The following CORO1C variants were observed in gnomAD, a reference collection of about 807,000 sequenced individuals.
The protein encoded by CORO1C is coronin 1C, also known as coronin-1C.
Under a neutral mutation model 51.2 loss-of-function variants are expected in CORO1C, and 14 were observed. The observed-to-expected ratio is 0.27, with a 90% CI of 0.18 to 0.43. The LOEUF is 0.43. Ranked by LOEUF, CORO1C falls within the 20% of genes least tolerant of loss-of-function variation. CORO1C has a pLI of 1.00. For missense variants in CORO1C, 417 were observed against 607.8 expected, an observed-to-expected ratio of 0.69 and a Z score of 3.30; for synonymous variants, 181 against 210.5, an observed-to-expected ratio of 0.86 and a Z score of 1.21.
In CORO1C at chr12:108,662,811, AG is replaced by A. The variant is rs561017332; in HGVS notation, c.319-654del. ...CATGTATTATAGAAAATATTACAAA[AG>A]AAAAAAATGAATTAGACCTCATCAA... On this transcript the variant is annotated intron_variant, in intron 3 of 10. Transcript: ENST00000261401. Among the ~76,000 whole-genome samples, 316 of 152,292 alleles carry A rather than the reference AG, an allele frequency of 2.1e-3. 1 individual carries two copies. The highest frequency in any genetic ancestry group is 7.0e-3 in the African/African-American group (293 of 41,586).
At chr12:108,651,189 C>T (rs574296506) in intron 8 of CORO1C, among the ~76,000 whole-genome samples, 1 of 152,158 alleles carries the variant, frequency 6.6e-6, no homozygotes, top group Non-Finnish European at 1.5e-5. Flanking sequence ...ATTTGGAAGA[C>T]GTAAGTATCA....
At chr12:108,715,855 C>T (rs969177647) in intron 1 of CORO1C, among the ~76,000 whole-genome samples, 6 of 151,796 alleles carry the variant, frequency 4.0e-5, no homozygotes, top group African/African-American at 1.2e-4. Context: ...TCCTTGAGGC[C>T]GGGCGGGGTG....
intron 2 of CORO1C, among the ~76,000 whole-genome samples, chr12:108,694,018 G>A (rs911324009): frequency 6.6e-6 from 1 of 152,162 alleles, no homozygotes; most frequent in African/African-American, 2.4e-5. Flanking sequence ...AACCTAGCCG[G>A]GTGTGGTGGC....
Position 108,717,219 on chromosome 12 carries a change from C to T in CORO1C, c.-6+14210G>A, listed in dbSNP as rs565672813. On this transcript the variant is annotated intron_variant, in intron 1 of 10. Coordinates refer to ENST00000261401, the MANE Select transcript of CORO1C (RefSeq NM_014325.4). ...GGAGGAACAACAAAATATCAAAAGT[C>T]TGTATCAAAAGCAAGCACTTGTCAG... Among the ~76,000 whole-genome samples, 3 of 152,318 alleles carry T rather than the reference C, an allele frequency of 2.0e-5. No individual in the cohort carries two copies. The South Asian group carries it at 6.2e-4, about 32-fold the overall frequency.
intron 1 of CORO1C, chr12:108,702,695 G>A: frequency 8.0e-7 from 1 of 1,252,202 alleles, no homozygotes; most frequent in Non-Finnish European, 1.1e-6. Context: ...GAGACACATG[G>A]TGGGCTGTTG....
chr12:108,716,917 G>A (rs745587708), intron 1 of CORO1C, among the ~76,000 whole-genome samples: 12 of 152,148 alleles, frequency 7.9e-5, no homozygotes, highest in Admixed American at 4.6e-4. Context: ...TTGACCATGC[G>A]CCTAGCACCA....
At chr12:108,677,153 G>A (rs1464721925) in intron 3 of CORO1C, among the ~76,000 whole-genome samples, 2 of 152,310 alleles carry the variant, frequency 1.3e-5, no homozygotes, top group East Asian at 1.9e-4. Context: ...TGACATGTGC[G>A]AGACTGCTTA....
intron 3 of CORO1C, among the ~76,000 whole-genome samples, chr12:108,671,092 G>A (rs2033699666): frequency 6.6e-6 from 1 of 152,122 alleles, no homozygotes; most frequent in Non-Finnish European, 1.5e-5. Context: ...CAACACTTTG[G>A]AAGGCCAAGG....
At chr12:108,713,727 G>A (rs114585552) in intron 1 of CORO1C, among the ~76,000 whole-genome samples, 192 of 152,284 alleles carry the variant, frequency 1.3e-3, no homozygotes, top group African/African-American at 4.3e-3. Flanking sequence ...TACAAAGTAC[G>A]GAGCAGTTCC....
chr12:108,678,391 C>A lies in CORO1C; in HGVS notation c.199G>T (p.Gly67Cys). 1 of 1,583,342 alleles carries A rather than the reference C, an allele frequency of 6.3e-7. No individual in the cohort carries two copies. ...GTAGGGTAAGATTTGTCAATTCGAC[C>A]AGTCTGAAAGAAGAGAGAAACAAAC... is the stretch of plus-strand genomic sequence containing the variant. ...AFLVLPLHKT[G>C]RIDKSYPTVC... Residue 67 changes from glycine to cysteine, a missense_variant, in exon 3 of 11, where the codon GGT becomes TGT. Transcript: ENST00000261401.
At chr12:108,656,650 C>A (rs541811699) in intron 6 of CORO1C, among the ~76,000 whole-genome samples, 1 of 152,220 alleles carries the variant, frequency 6.6e-6, no homozygotes, top group Non-Finnish European at 1.5e-5. Flanking sequence ...CAGATTGTTG[C>A]TGTGTCTGTG....
intron 1 of CORO1C, among the ~76,000 whole-genome samples, chr12:108,715,538 C>CA (rs1223097133): frequency 6.6e-6 from 1 of 152,118 alleles, no homozygotes; most frequent in African/African-American, 2.4e-5. Context: ...TTTATAAACA[C>CA]AACCACCTCT....
At chr12:108,700,041 C>T (rs1370330576) in intron 2 of CORO1C, among the ~76,000 whole-genome samples, 1 of 152,176 alleles carries the variant, frequency 6.6e-6, no homozygotes, top group African/African-American at 2.4e-5. Flanking sequence ...AAAACATCAA[C>T]ATACAATGGG....
chr12:108,684,032 T>A (rs1386609563), intron 2 of CORO1C, among the ~76,000 whole-genome samples: 1 of 152,142 alleles, frequency 6.6e-6, no homozygotes, highest in African/African-American at 2.4e-5. Context: ...TGTGAGTTGT[T>A]CTTTAAAAAT....
At chr12:108,677,008 G>T (rs2033931613) in intron 3 of CORO1C, among the ~76,000 whole-genome samples, 1 of 152,124 alleles carries the variant, frequency 6.6e-6, no homozygotes, top group Non-Finnish European at 1.5e-5. Flanking sequence ...AAATGACACA[G>T]TTCAGGAATT....
At chr12:108,673,418 G>A (rs1010505102) in intron 3 of CORO1C, among the ~76,000 whole-genome samples, 8 of 152,222 alleles carry the variant, frequency 5.3e-5, no homozygotes, top group South Asian at 2.1e-4. Context: ...TGAGGTTAAC[G>A]AAAGACGCCA....
rs1369817179 is a variant in CORO1C at position 108,676,180 on chromosome 12, G to C, written c.318+2092C>G. On this transcript the variant is annotated intron_variant, in intron 3 of 10. Transcript: ENST00000261401. The stretch of plus-strand genomic sequence containing the variant: ...GAGTATTACAAAAGTCAGGAGAGTG[G>C]TTACTTTGAGAGGGAGGAGGGATGT... Among the ~76,000 whole-genome samples the C allele has an allele frequency of 2.0e-5, 3 of 152,160 alleles. No individual in the cohort carries two copies. In the East Asian group the frequency reaches 5.8e-4, roughly 29 times the overall value.
chr12:108,677,450 T>C (rs900083243), intron 3 of CORO1C, among the ~76,000 whole-genome samples: 7 of 152,252 alleles, frequency 4.6e-5, no homozygotes, highest in African/African-American at 1.4e-4. Flanking sequence ...AAAAGGACTT[T>C]CTTAACCAGG....
chr12:108,672,036 T>C (rs961355), intron 3 of CORO1C, among the ~76,000 whole-genome samples: 74,559 of 152,034 alleles, frequency 0.49, 18,673 homozygotes, highest in South Asian at 0.69. Context: ...TTGCTGGAAT[T>C]ACAGGTGTGA....
Sources: gnomAD v4.1 joint callset for allele counts (sites outside exome capture counted in the v4.1 genomes callset) on GRCh38, gnomAD v4.1.1 for gene constraint, MANE v1.5 for transcripts, NCBI Gene and HGNC (gene_info 2026-07-23, HGNC 2026-07-21) for gene names.